The following GSTA2 variants were observed in gnomAD, a reference collection of about 807,000 sequenced individuals.
GSTA2 encodes the protein glutathione S-transferase A2.
Under a neutral mutation model 22.4 loss-of-function variants are expected in GSTA2, and 27 were observed. The ratio of observed to expected loss-of-function variants is 1.21; its 90% CI spans 0.89 to 1.67. GSTA2 has a LOEUF of 1.67. Ranked by LOEUF, GSTA2 falls within the 40% of genes most tolerant of loss-of-function variation. GSTA2 has a pLI of 0.00. For missense variants in GSTA2, 302 were observed against 260.2 expected, an observed-to-expected ratio of 1.16 and a Z score of -1.11; for synonymous variants, 121 against 86.8, an observed-to-expected ratio of 1.39 and a Z score of -2.19.
chr6:52,759,966 G>C (rs1242898547), intron 1 of GSTA2, among the ~76,000 whole-genome samples: 1 of 152,106 alleles, frequency 6.6e-6, no homozygotes, highest in African/African-American at 2.4e-5. Flanking sequence ...TAAAATATGG[G>C]AGTCAATAGT....
chr6:52,752,942 A>G lies in GSTA2; in HGVS notation c.326T>C (p.Leu109Pro). ...IADLGEMILL[L>P]PFSQPEEQDA... ...TTGTTCCTCAGGTTGACTAAAGGGC[A>G]GAAGAAGGATCATTTCACCCAAATC... The change falls in exon 5 of 7, where the codon CTG (leucine) becomes CCG (proline). Residue 109 changes from leucine (L) to proline (P), a missense_variant. Transcript: ENST00000493422. The G allele has an allele frequency of 1.2e-6, 2 of 1,613,908 alleles. No individual in the cohort carries two copies. Among genetic ancestry groups the G allele is most frequent in the Non-Finnish European group, 8.5e-7 (1 of 1,179,790 alleles).
chr6:52,755,099 A>T (rs1245564650), intron 3 of GSTA2, 24 bp from the exon 4 acceptor site: 2 of 1,613,900 alleles, frequency 1.2e-6, no homozygotes, highest in African/African-American at 1.3e-5. Flanking sequence ...AAAAAAAAGG[A>T]GAGTGAAGTG....
intron 4 of GSTA2, among the ~76,000 whole-genome samples, chr6:52,753,303 G>A (rs1762780005): frequency 6.6e-6 from 1 of 152,144 alleles, no homozygotes; most frequent in Non-Finnish European, 1.5e-5. Context: ...AGAGAAATTG[G>A]TGGAATCACT....
rs750374455 is a variant in GSTA2, at chr6:52,751,104, CA to C, written c.547-406del. ...AAATAGTAAAGACAAACCATGGGACCACCTTTTCTCAGTGAGAGATACATTG... is the reference window on the plus strand; with the variant it reads ...AAATAGTAAAGACAAACCATGGGACCCCTTTTCTCAGTGAGAGATACATTG... On this transcript the variant is annotated intron_variant, in intron 6 of 6. Transcript: ENST00000493422. Among the ~76,000 whole-genome samples, 563 of 152,220 alleles carry C rather than the reference CA, an allele frequency of 3.7e-3. 3 individuals are homozygous for C. The highest frequency in any genetic ancestry group is 0.013 in the African/African-American group (531 of 41,518).
intron 1 of GSTA2, among the ~76,000 whole-genome samples, chr6:52,758,692 G>A (rs1009064): frequency 1.3e-5 from 2 of 152,118 alleles, no homozygotes; most frequent in Non-Finnish European, 2.9e-5. Context: ...ATTCTTTCAA[G>A]AGACAGAGAT....
rs199564033 is a variant in GSTA2, at chr6:52,751,678, C to G, written c.445G>C (p.Val149Leu). The G allele has an allele frequency of 4.0e-5, 64 of 1,614,158 alleles. No individual in the cohort carries two copies. The highest frequency in any genetic ancestry group is 5.2e-5 in the Non-Finnish European group (61 of 1,180,008). ...VLKSHGQDYL[V>L]GNKLSRADIH... Reference sequence around the variant, plus strand: ...TCAGCCCGGCTCAGCTTGTTGCCAACAAGGTAGTCTTGTCCGTGGCTCTTT... The same window carrying G: ...TCAGCCCGGCTCAGCTTGTTGCCAAGAAGGTAGTCTTGTCCGTGGCTCTTT... Residue 149 changes from valine (V) to leucine (L), a missense_variant, in exon 6 of 7, where the codon GTT (valine) becomes CTT (leucine). Physicochemically the swap from Val to Leu is conservative, Grantham distance 32. Transcript: ENST00000493422.
At chr6:52,760,737 G>A (rs1337367107) in intron 1 of GSTA2, among the ~76,000 whole-genome samples, 1 of 152,176 alleles carries the variant, frequency 6.6e-6, no homozygotes, top group Non-Finnish European at 1.5e-5. Flanking sequence ...TGGAAGGAGA[G>A]GGCGAGAGGG....
chr6:52,761,894 G>T (rs1182207964), intron 1 of GSTA2, among the ~76,000 whole-genome samples: 1 of 150,752 alleles, frequency 6.6e-6, no homozygotes, highest in Non-Finnish European at 1.5e-5. Flanking sequence ...AGACATAAGA[G>T]ACTCCATTTT....
chr6:52,752,392 C>CT (rs1762760738), intron 5 of GSTA2, among the ~76,000 whole-genome samples: 1 of 152,142 alleles, frequency 6.6e-6, no homozygotes, highest in African/African-American at 2.4e-5. Context: ...AGTCACTCTC[C>CT]TTTTAAAAAA....
intron 2 of GSTA2, among the ~76,000 whole-genome samples, chr6:52,757,155 T>C (rs2127288595): frequency 9.3e-6 from 1 of 107,932 alleles, no homozygotes; most frequent in African/African-American, 3.7e-5. Context: ...ATGTAGTCAA[T>C]CTTTAATAGG....
intron 1 of GSTA2, among the ~76,000 whole-genome samples, chr6:52,759,324 C>T (rs1174587380): frequency 3.3e-5 from 5 of 152,036 alleles, no homozygotes; most frequent in African/African-American, 1.2e-4. Context: ...AGCAGAGTAT[C>T]AGAGAATGAA....
intron 1 of GSTA2, among the ~76,000 whole-genome samples, chr6:52,760,413 C>T (rs1489764391): frequency 6.6e-6 from 1 of 152,144 alleles, no homozygotes; most frequent in Non-Finnish European, 1.5e-5. Flanking sequence ...AAAATGAGAA[C>T]CAGAGAGCTC....
At chr6:52,756,800 G>A (rs545612404) in intron 2 of GSTA2, among the ~76,000 whole-genome samples, 34 of 152,372 alleles carry the variant, frequency 2.2e-4, no homozygotes, top group Admixed American at 9.8e-4. Context: ...GGTGACATAG[G>A]TCGCCACTGT....
intron 5 of GSTA2, among the ~76,000 whole-genome samples, chr6:52,752,380 A>G (rs1762760240): frequency 1.3e-5 from 2 of 152,146 alleles, no homozygotes; most frequent in Admixed American, 1.3e-4. Flanking sequence ...TCTGCATCCC[A>G]CAGTCACTCT....
At chr6:52,754,010 A>G (rs552433970) in intron 4 of GSTA2, among the ~76,000 whole-genome samples, 2 of 152,270 alleles carry the variant, frequency 1.3e-5, no homozygotes, top group African/African-American at 4.8e-5. Flanking sequence ...ATTTTATGTA[A>G]CATGTCTTTA....
At chr6:52,758,745 A>G (rs1762897137) in intron 1 of GSTA2, among the ~76,000 whole-genome samples, 1 of 152,180 alleles carries the variant, frequency 6.6e-6, no homozygotes, top group South Asian at 2.1e-4. Context: ...TTCTAACTCT[A>G]TGGGGTGCAT....
intron 5 of GSTA2, among the ~76,000 whole-genome samples, chr6:52,752,048 C>A (rs1402431739): frequency 6.6e-6 from 1 of 152,190 alleles, no homozygotes; most frequent in African/African-American, 2.4e-5. Flanking sequence ...GTGGAGCCCT[C>A]ACATTCAGGA....
chr6:52,759,568 T>A (rs1194027130), intron 1 of GSTA2, among the ~76,000 whole-genome samples: 2 of 43,506 alleles, frequency 4.6e-5, no homozygotes, highest in East Asian at 8.1e-4. Context: ...TATTTGTTTT[T>A]TTTTTTTTTT....
chr6:52,758,348 A>C (rs1206846330), intron 1 of GSTA2, among the ~76,000 whole-genome samples: 1 of 152,180 alleles, frequency 6.6e-6, no homozygotes, highest in Non-Finnish European at 1.5e-5. Context: ...TCAATATTTT[A>C]TATCTTTAAC....
Sources: allele counts gnomAD v4.1 joint callset (sites outside exome capture counted in the v4.1 genomes callset), GRCh38; gene constraint gnomAD v4.1.1; transcripts MANE v1.5; gene names NCBI Gene and HGNC (gene_info 2026-07-23, HGNC 2026-07-21).